The following FHIT variants were observed in gnomAD, a reference collection of about 807,000 sequenced individuals.
The protein encoded by FHIT is bis(5'-adenosyl)-triphosphatase.
In FHIT, 19 loss-of-function variants were observed where a neutral mutation model predicts 17.9. The ratio of observed to expected loss-of-function variants is 1.06; its 90% confidence interval spans 0.74 to 1.56. The LOEUF (loss-of-function observed/expected upper bound fraction) is 1.56, where lower values mean the gene tolerates loss of function less well. FHIT is among the 40% of genes most tolerant of loss of function. The probability of loss-of-function intolerance (pLI) is 0.00; values close to 1 mark genes in which losing one functional copy is unlikely to be tolerated. For synonymous variants in FHIT, 81 were observed against 69.7 expected, an observed-to-expected ratio of 1.16 and a Z score of -0.81; for missense variants, 248 against 189.2, an observed-to-expected ratio of 1.31 and a Z score of -1.82.
intron 4 of FHIT, among the ~76,000 whole-genome samples, chr3:60,657,432 T>A (rs76108231): frequency 0.024 from 3,710 of 152,234 alleles, 77 homozygotes; most frequent in South Asian, 0.044. Context: ...TAAGGCAAAA[T>A]GAGCTCCTTG....
intron 5 of FHIT, among the ~76,000 whole-genome samples, chr3:60,390,421 AAAAAAAAC>A (rs1166569732): frequency 0.011 from 1,448 of 130,254 alleles, 99 homozygotes; most frequent in Middle Eastern, 0.023. Context: ...AAAAAAAAAA[AAAAAAAAC>A]CCGTACCCTC....
intron 4 of FHIT, among the ~76,000 whole-genome samples, chr3:60,561,968 G>C (rs547471058): frequency 2.6e-5 from 4 of 151,900 alleles, no homozygotes; most frequent in Admixed American, 2.6e-4. Context: ...GAGAGAGAAA[G>C]ATAATTCTGA....
At chr3:60,248,877 A>G (rs537725186) in intron 5 of FHIT, among the ~76,000 whole-genome samples, 2 of 152,284 alleles carry the variant, frequency 1.3e-5, no homozygotes, top group African/African-American at 4.8e-5. Context: ...ACCAGAAGGA[A>G]AGTCACATTT....
At chr3:60,498,463 A>G (rs1179887635) in intron 5 of FHIT, among the ~76,000 whole-genome samples, 1 of 152,346 alleles carries the variant, frequency 6.6e-6, no homozygotes. Context: ...CACATATTGT[A>G]TCTTCAACTA....
chr3:60,431,362 C>G (rs2687192), intron 5 of FHIT, among the ~76,000 whole-genome samples: 107,275 of 151,554 alleles, frequency 0.71, 38,564 homozygotes, highest in Non-Finnish European at 0.74. Flanking sequence ...AATTTTATAG[C>G]AAAGCAGGGG....
intron 5 of FHIT, among the ~76,000 whole-genome samples, chr3:60,036,817 G>A (rs955688280): frequency 6.6e-6 from 1 of 152,072 alleles, no homozygotes; most frequent in Non-Finnish European, 1.5e-5. Flanking sequence ...GAGACACATT[G>A]GGCCATATCC....
At chr3:60,671,458 C>T (rs1396852635) in intron 4 of FHIT, among the ~76,000 whole-genome samples, 1 of 151,904 alleles carries the variant, frequency 6.6e-6, no homozygotes, top group Non-Finnish European at 1.5e-5. Flanking sequence ...CAGATAGGTA[C>T]AAATGTAATA....
intron 5 of FHIT, among the ~76,000 whole-genome samples, chr3:60,041,285 T>C (rs1007984506): frequency 9.2e-5 from 14 of 152,298 alleles, no homozygotes; most frequent in African/African-American, 3.4e-4. Flanking sequence ...ATTTGCTGCC[T>C]TGATAATGAC....
At chr3:60,495,668 T>C (rs755323330) in intron 5 of FHIT, among the ~76,000 whole-genome samples, 1 of 152,142 alleles carries the variant, frequency 6.6e-6, no homozygotes, top group African/African-American at 2.4e-5. Context: ...TGAATCCATG[T>C]ATTCAATGCC....
chr3:60,112,328 C>G (rs1009400451), intron 5 of FHIT, among the ~76,000 whole-genome samples: 98 of 152,268 alleles, frequency 6.4e-4, no homozygotes, highest in African/African-American at 2.2e-3. Flanking sequence ...ATAGTAAAAT[C>G]AAGAACTTGT....
At chr3:59,948,167 G>C (rs990192705) in intron 7 of FHIT, among the ~76,000 whole-genome samples, 1 of 151,944 alleles carries the variant, frequency 6.6e-6, no homozygotes, top group African/African-American at 2.4e-5. Flanking sequence ...AAATGCCCTT[G>C]GGTGCAATTG....
intron 4 of FHIT, among the ~76,000 whole-genome samples, chr3:60,621,220 CA>C (rs1429191484): frequency 7.0e-6 from 1 of 142,708 alleles, no homozygotes; most frequent in African/African-American, 2.6e-5. Context: ...ACTATCTGGA[CA>C]CACCACAACC....
intron 2 of FHIT, among the ~76,000 whole-genome samples, chr3:61,105,004 T>C (rs746470354): frequency 6.6e-5 from 10 of 152,184 alleles, no homozygotes; most frequent in Non-Finnish European, 1.2e-4. Flanking sequence ...TTGTATTGAG[T>C]TTCAATGTAC....
intron 8 of FHIT, among the ~76,000 whole-genome samples, chr3:59,806,178 C>CA (rs35957311): frequency 0.14 from 16,505 of 116,100 alleles, 979 homozygotes; most frequent in African/African-American, 0.17. Context: ...GAATCTGTCT[C>CA]AAAAAAAAAA....
intron 2 of FHIT, among the ~76,000 whole-genome samples, chr3:61,137,896 C>T (rs1185295417): frequency 2.0e-5 from 3 of 152,192 alleles, no homozygotes; most frequent in Non-Finnish European, 4.4e-5. Context: ...TGCATATCTC[C>T]AGAGGCCTGT....
At chr3:60,459,771 G>A (rs185388390) in intron 5 of FHIT, among the ~76,000 whole-genome samples, 1 of 152,144 alleles carries the variant, frequency 6.6e-6, no homozygotes, top group African/African-American at 2.4e-5. Context: ...TAATTTTAAG[G>A]CACTCTCAGT....
chr3:60,581,596 G>C (rs1553659725), intron 4 of FHIT, among the ~76,000 whole-genome samples: 1 of 151,954 alleles, frequency 6.6e-6, no homozygotes, highest in Non-Finnish European at 1.5e-5. Context: ...TATCTATAAT[G>C]AACTAAACAC....
intron 2 of FHIT, among the ~76,000 whole-genome samples, chr3:61,144,988 A>G (rs547966345): frequency 3.3e-5 from 5 of 152,286 alleles, no homozygotes; most frequent in African/African-American, 1.2e-4. Flanking sequence ...ATCTTTGGGT[A>G]TATCTTTTTA....
chr3:59,914,558 G>A (rs977830604), intron 8 of FHIT, among the ~76,000 whole-genome samples: 1 of 152,112 alleles, frequency 6.6e-6, no homozygotes, highest in African/African-American at 2.4e-5. Flanking sequence ...AATGACAGGT[G>A]ATAATTTAAA....
Sources: allele counts gnomAD v4.1 joint callset (sites outside exome capture counted in the v4.1 genomes callset), GRCh38; gene constraint gnomAD v4.1.1; transcripts MANE v1.5; gene names NCBI Gene and HGNC (gene_info 2026-07-23, HGNC 2026-07-21).